Variants in KRT7 observed in about 807,000 individuals in gnomAD.
The protein encoded by KRT7 is keratin 7.
A neutral mutation model predicts 42.8 loss-of-function variants in KRT7; 50 were observed. The observed-to-expected ratio is 1.17, with a 90% CI of 0.93 to 1.48. The LOEUF is 1.48. KRT7 is among the 40% of genes most tolerant of loss of function. KRT7 has a pLI of 0.00. For synonymous variants in KRT7, 268 were observed against 266.3 expected, an observed-to-expected ratio of 1.01 and a Z score of -0.06; for missense variants, 588 against 637.6, an observed-to-expected ratio of 0.92 and a Z score of 0.84.
intron 3 of KRT7, 38 bp from the exon 4 acceptor site, chr12:52,238,642 C>A: frequency 8.1e-7 from 1 of 1,239,736 alleles, no homozygotes; most frequent in Non-Finnish European, 1.2e-6. Flanking sequence ...GTACTGAGGA[C>A]ATGGTCTCCC....
At chr12:52,241,016 C>T (rs544925014) in intron 4 of KRT7, among the ~76,000 whole-genome samples, 37 of 147,062 alleles carry the variant, frequency 2.5e-4, no homozygotes, top group African/African-American at 7.5e-4. Context: ...TGAGTGAGAA[C>T]GCATCATGCT....
At chr12:52,253,483 C>T, downstream of KRT7, 2 of 1,543,312 alleles carry the variant, frequency 1.3e-6, no homozygotes, top group East Asian at 2.3e-5. Context: ...CTCAGAGAGG[C>T]AGCCCTTATC....
At chr12:52,254,205 A>G (rs148216148), downstream of KRT7, 1 of 634,464 alleles carries the variant, frequency 1.6e-6, no homozygotes, top group East Asian at 4.0e-5. Context: ...CTGAATGGTG[A>G]CAAGTATTTT....
At chr12:52,234,864 TGGA>T (rs932122455) in intron 1 of KRT7, among the ~76,000 whole-genome samples, 12 of 151,864 alleles carry the variant, frequency 7.9e-5, no homozygotes, top group African/African-American at 2.4e-4. Context: ...GATAGGGAGG[TGGA>T]GAACACCACC....
chr12:52,240,136 T>C (rs1009290588), intron 4 of KRT7, among the ~76,000 whole-genome samples: 3 of 150,294 alleles, frequency 2.0e-5, no homozygotes, highest in East Asian at 2.0e-4. Flanking sequence ...TATCACATGG[T>C]TTATTTATGT....
intron 8 of KRT7, among the ~76,000 whole-genome samples, 165 bp downstream of exon 8, chr12:52,248,376 A>G (rs1480746201): frequency 2.0e-5 from 3 of 152,198 alleles, no homozygotes; most frequent in Non-Finnish European, 4.4e-5. Context: ...GCCAGGCTCA[A>G]TGGCCTGGGA....
intron 4 of KRT7, among the ~76,000 whole-genome samples, chr12:52,239,092 C>T (rs551920224): frequency 2.6e-5 from 4 of 152,232 alleles, no homozygotes; most frequent in Admixed American, 2.0e-4. Context: ...TCTTCCTGGA[C>T]GTTGTCTATT....
At chr12:52,243,209 G>A (rs117435291) in intron 6 of KRT7, 72 bp downstream of exon 6, 26 of 1,530,946 alleles carry the variant, frequency 1.7e-5, no homozygotes, top group Non-Finnish European at 2.2e-5. Flanking sequence ...CCAAACTCAG[G>A]ATGTGGAGCA....
At chr12:52,253,841 C>T (rs532029037), downstream of KRT7, 1 of 496,358 alleles carries the variant, frequency 2.0e-6, no homozygotes, top group Non-Finnish European at 4.0e-6. Flanking sequence ...ATCATCATCC[C>T]TTGTCCCCTT....
At position 52,239,271 on chromosome 12, in the gene KRT7, C is replaced by A. The variant is rs958876371; in HGVS notation, c.693+496C>A. Among the ~76,000 whole-genome samples the A allele has an allele frequency of 1.3e-4, 20 of 152,284 alleles. 1 individual carries two copies. Among genetic ancestry groups the A allele is most frequent in the African/African-American group, 4.6e-4 (19 of 41,558 alleles). On this transcript the variant is annotated intron_variant, in intron 4 of 8. Transcript: ENST00000331817. ...AGAACAGAAAAAGTGAGCCATTTTG[C>A]AGGCTAGAAAACCTTCATTTTAGAC...
At chr12:52,254,513 T>G (rs9325150), downstream of KRT7, 148,444 of 393,268 alleles carry the variant, frequency 0.38, 29,337 homozygotes, top group South Asian at 0.49. Flanking sequence ...GTATCATGCC[T>G]TGGTGAAGCC....
At chr12:52,239,178 C>A (rs1422356030) in intron 4 of KRT7, among the ~76,000 whole-genome samples, 5 of 152,140 alleles carry the variant, frequency 3.3e-5, no homozygotes, top group Non-Finnish European at 7.4e-5. Context: ...CAATGCATTG[C>A]AATCCTAGTC....
chr12:52,248,636 G>A lies in KRT7; in HGVS notation c.1286G>A (p.Gly429Glu). The A allele has an allele frequency of 6.2e-7, 1 of 1,609,572 alleles. No homozygotes were observed. The highest frequency in any genetic ancestry group is 8.5e-7 in the Non-Finnish European group (1 of 1,177,710). ...GGCAGTAGCAGTGGCGGTGGCATTGGGCTGACCCTCGGGGGAACCATGGGC... is the reference window on the plus strand; with the variant it reads ...GGCAGTAGCAGTGGCGGTGGCATTGAGCTGACCCTCGGGGGAACCATGGGC... ...TGGSSSGGGI[G>E]LTLGGTMGSN... Residue 429 changes from glycine to glutamate, a missense_variant, in exon 9 of 9, where the codon GGG (glycine) becomes GAG (glutamate). By Grantham distance (98) the Gly-to-Glu change is moderately conservative. Transcript: ENST00000331817.
At chr12:52,255,444 G>A (rs1456670790), downstream of KRT7, 1 of 456,196 alleles carries the variant, frequency 2.2e-6, no homozygotes, top group African/African-American at 2.0e-5. Flanking sequence ...CAGATCTGGG[G>A]AGGAAAAAAA....
At chr12:52,238,022 A>G (rs1477895384) in intron 3 of KRT7, among the ~76,000 whole-genome samples, 3 of 152,174 alleles carry the variant, frequency 2.0e-5, no homozygotes, top group South Asian at 2.1e-4. Context: ...TCTTGTCTAC[A>G]TGCCCTTTAA....
rs747166753 is a variant in KRT7, at chr12:52,245,550, T to A, written c.1123T>A (p.Tyr375Asn). 5.0e-6 allele frequency: 8 copies of A among 1,613,882 alleles called. No homozygotes were observed. The highest frequency in any genetic ancestry group is 6.8e-6 in the Non-Finnish European group (8 of 1,180,008). The change falls in exon 7 of 9, where the codon TAC becomes AAC. Residue 375 changes from tyrosine (Y) to asparagine (N), a missense_variant. By Grantham distance (143) the Tyr-to-Asn change is moderately radical. Coordinates refer to ENST00000331817, the MANE Select transcript of KRT7 (RefSeq NM_005556.4). Reference sequence around the variant, plus strand: ...GGATATGGCACGGCAGCTGCGTGAGTACCAGGAACTCATGAGCGTGAAGCT... The same window carrying A: ...GGATATGGCACGGCAGCTGCGTGAGAACCAGGAACTCATGAGCGTGAAGCT... Reference protein sequence around the residue: ...KQDMARQLREYQELMSVKLAL... With the variant: ...KQDMARQLRENQELMSVKLAL...
At chr12:52,252,526 A>G (rs1942282934), downstream of KRT7, 2 of 1,602,942 alleles carry the variant, frequency 1.2e-6, no homozygotes, top group African/African-American at 1.3e-5. Flanking sequence ...TTCTGGCTTC[A>G]GGGTCAGAGG....
chr12:52,239,171 T>C (rs557528380), intron 4 of KRT7, among the ~76,000 whole-genome samples: 7 of 152,332 alleles, frequency 4.6e-5, no homozygotes, highest in Non-Finnish European at 7.3e-5. Flanking sequence ...CAGCCTACAA[T>C]GCATTGCAAT....
rs1241021423 is a variant in KRT7 at position 52,240,584 on chromosome 12, T to G, written c.694-888T>G. The stretch of plus-strand genomic sequence containing the variant: ...GGTGGAGGTTGCAGTGAGCCAAGAT[T>G]GTGCCACTGTACTCCAGCTTGGGTG... On this transcript the variant is annotated intron_variant, in intron 4 of 8. Coordinates refer to ENST00000331817, the MANE Select transcript of KRT7 (RefSeq NM_005556.4). Among the ~76,000 whole-genome samples the G allele has an allele frequency of 1.7e-4, 25 of 151,502 alleles. 2 individuals are homozygous for G.
Sources: gnomAD v4.1 joint callset for allele counts (sites outside exome capture counted in the v4.1 genomes callset) on GRCh38, gnomAD v4.1.1 for gene constraint, MANE v1.5 for transcripts, NCBI Gene and HGNC (gene_info 2026-07-23, HGNC 2026-07-21) for gene names.